Variants in MAP3K19 observed in about 807,000 individuals in gnomAD.
The protein encoded by MAP3K19 is mitogen-activated protein kinase kinase kinase 19, also known as SPS1/STE20-related protein kinase YSK4.
In MAP3K19, 91 loss-of-function variants were observed where a neutral mutation model predicts 114.4. The ratio of observed to expected loss-of-function variants is 0.80; its 90% CI spans 0.67 to 0.95. The LOEUF is 0.95. MAP3K19 is among the 40% of genes least tolerant of loss of function. The probability of loss-of-function intolerance (pLI) is 0.00; values close to 1 mark genes in which losing one functional copy is unlikely to be tolerated. For missense variants in MAP3K19, 1,471 were observed against 1,573.2 expected (o/e 0.94, Z 1.10); for synonymous variants, 518 against 530.5 (o/e 0.98, Z 0.32).
intron 5 of MAP3K19, among the ~76,000 whole-genome samples, chr2:135,008,284 G>A (rs900580895): frequency 9.9e-5 from 15 of 152,070 alleles, no homozygotes; most frequent in East Asian, 7.7e-4. Context: ...CACCATGCCC[G>A]CCTTATTTTT....
intron 12 of MAP3K19, among the ~76,000 whole-genome samples, chr2:134,979,324 T>G (rs1401620953): frequency 6.6e-6 from 1 of 152,222 alleles, no homozygotes; most frequent in Non-Finnish European, 1.5e-5. Flanking sequence ...CACTTAACCT[T>G]CACAATAACC....
At chr2:135,034,850 AGGGGGAGG>A (rs1688492882) in intron 2 of MAP3K19, among the ~76,000 whole-genome samples, 1 of 6,188 alleles carries the variant, frequency 1.6e-4, no homozygotes, top group African/African-American at 4.7e-4. Flanking sequence ...GGGGAGGGGG[AGGGGGAGG>A]GGGAGAGGGA....
intron 12 of MAP3K19, among the ~76,000 whole-genome samples, chr2:134,972,820 G>A (rs985500287): frequency 2.6e-5 from 4 of 152,040 alleles, no homozygotes; most frequent in African/African-American, 9.7e-5. Context: ...ATAGATTTGG[G>A]TATGTTGTGT....
chr2:135,025,797 G>A (rs11892750), intron 3 of MAP3K19, among the ~76,000 whole-genome samples: 40,192 of 134,854 alleles, frequency 0.3, 7,152 homozygotes, highest in African/African-American at 0.52. Flanking sequence ...TCTCTATTAT[G>A]ACAGCACAAG....
intron 5 of MAP3K19, among the ~76,000 whole-genome samples, chr2:135,017,670 C>T (rs999977902): frequency 2.0e-5 from 3 of 152,158 alleles, no homozygotes; most frequent in South Asian, 2.1e-4. Flanking sequence ...GTACCTGGTG[C>T]CTCTAATTCC....
At chr2:135,042,418 C>T (rs1688662980) in intron 1 of MAP3K19, among the ~76,000 whole-genome samples, 1 of 149,576 alleles carries the variant, frequency 6.7e-6, no homozygotes, top group African/African-American at 2.5e-5. Context: ...AGGAGAATGG[C>T]GTGAACCCAG....
chr2:135,018,333 A>T (rs1687734160), intron 5 of MAP3K19, among the ~76,000 whole-genome samples: 1 of 151,604 alleles, frequency 6.6e-6, no homozygotes, highest in Non-Finnish European at 1.5e-5. Flanking sequence ...TTGAAGAAAG[A>T]AGCTCAACAT....
intron 8 of MAP3K19, among the ~76,000 whole-genome samples, chr2:134,993,253 G>C (rs1290614942): frequency 2.0e-5 from 3 of 152,124 alleles, no homozygotes; most frequent in Admixed American, 6.5e-5. Context: ...CTGTCATTCT[G>C]AAGTTTCACA....
chr2:135,016,402 T>C (rs1687588420), intron 5 of MAP3K19, among the ~76,000 whole-genome samples: 2 of 152,242 alleles, frequency 1.3e-5, no homozygotes, highest in African/African-American at 4.8e-5. Flanking sequence ...ACTGCCTTAA[T>C]TGATTTAGCT....
At chr2:134,982,514 C>A (rs2105205916) in intron 11 of MAP3K19, among the ~76,000 whole-genome samples, 1 of 152,072 alleles carries the variant, frequency 6.6e-6, no homozygotes, top group African/African-American at 2.4e-5. Context: ...CCACACCTGG[C>A]TAATTTTTGT....
intron 5 of MAP3K19, among the ~76,000 whole-genome samples, chr2:135,015,015 T>C (rs777112872): frequency 2.6e-5 from 4 of 152,250 alleles, no homozygotes; most frequent in Non-Finnish European, 5.9e-5. Context: ...CATTATAATA[T>C]GTAGCTTATG....
chr2:134,970,602 T>C (rs375923895), intron 12 of MAP3K19, among the ~76,000 whole-genome samples: 3,171 of 143,504 alleles, frequency 0.022, 96 homozygotes, highest in African/African-American at 0.066. Context: ...TGCCTTTTTT[T>C]TTTTTTTTTT....
intron 5 of MAP3K19, among the ~76,000 whole-genome samples, chr2:135,019,513 G>T (rs1687824939): frequency 1.3e-5 from 2 of 152,122 alleles, no homozygotes; most frequent in African/African-American, 2.4e-5. Context: ...TTAGCTGGGT[G>T]TGGTGGCATG....
intron 8 of MAP3K19, 134 bp downstream of exon 8, chr2:134,998,603 TA>T: frequency 1.1e-6 from 1 of 889,446 alleles, no homozygotes; most frequent in Non-Finnish European, 1.6e-6. Context: ...CCCAGGAATG[TA>T]AATTACACAA....
chr2:134,991,488 AG>A, intron 9 of MAP3K19, 48 bp downstream of exon 9: 1 of 1,495,500 alleles, frequency 6.7e-7, no homozygotes, highest in Non-Finnish European at 9.3e-7. Flanking sequence ...TAGTGAATAG[AG>A]TTGTTTGGTT....
At chr2:135,007,528 C>CA (rs1553545578) in intron 5 of MAP3K19, among the ~76,000 whole-genome samples, 2 of 150,922 alleles carry the variant, frequency 1.3e-5, no homozygotes, top group Admixed American at 6.6e-5. Context: ...CTTTCTTTTC[C>CA]TTTTTTTTTC....
chr2:135,042,321 T>C (rs1688661142), intron 1 of MAP3K19, among the ~76,000 whole-genome samples: 1 of 151,104 alleles, frequency 6.6e-6, no homozygotes, highest in African/African-American at 2.4e-5. Flanking sequence ...GCTAACACGG[T>C]GAAATCCCGT....
chr2:135,008,979 T>C (rs1687025609), intron 5 of MAP3K19, among the ~76,000 whole-genome samples: 1 of 151,808 alleles, frequency 6.6e-6, no homozygotes, highest in Non-Finnish European at 1.5e-5. Context: ...TGAGACAGAG[T>C]CTTGCTCTGT....
intron 12 of MAP3K19, among the ~76,000 whole-genome samples, chr2:134,967,737 A>G (rs1262359643): frequency 6.6e-6 from 1 of 152,172 alleles, no homozygotes; most frequent in African/African-American, 2.4e-5. Flanking sequence ...AAAAATAATA[A>G]TCAATAAAAA....
Sources: gnomAD v4.1 joint callset for allele counts (sites outside exome capture counted in the v4.1 genomes callset) on GRCh38, gnomAD v4.1.1 for gene constraint, MANE v1.5 for transcripts, NCBI Gene and HGNC (gene_info 2026-07-23, HGNC 2026-07-21) for gene names.